MGAT4C: variants seen among roughly 807,000 people sequenced by gnomAD.
MGAT4C encodes alpha-1,3-mannosyl-glycoprotein 4-beta-N-acetylglucosaminyltransferase C.
A neutral mutation model predicts 40.1 loss-of-function variants in MGAT4C; 19 were observed. The ratio of observed to expected loss-of-function variants is 0.47; its 90% CI spans 0.33 to 0.70. The LOEUF is 0.70. Ranked by LOEUF, MGAT4C falls within the 30% of genes least tolerant of loss-of-function variation. The probability of loss-of-function intolerance (pLI) is 0.02; values close to 1 mark genes in which losing one functional copy is unlikely to be tolerated. For missense variants in MGAT4C, 491 were observed against 563.2 expected, an observed-to-expected ratio of 0.87 and a Z score of 1.30; for synonymous variants, 181 against 187.1, an observed-to-expected ratio of 0.97 and a Z score of 0.27.
intron 2 of MGAT4C, among the ~76,000 whole-genome samples, chr12:86,015,447 A>G (rs559195582): frequency 4.6e-5 from 7 of 152,256 alleles, no homozygotes; most frequent in African/African-American, 1.7e-4. Flanking sequence ...AGCATCTCCC[A>G]TCTTGACTGT....
intron 4 of MGAT4C, among the ~76,000 whole-genome samples, chr12:86,306,422 G>A (rs12315617): frequency 0.096 from 14,406 of 150,468 alleles, 1,094 homozygotes; most frequent in Middle Eastern, 0.24. Flanking sequence ...TATAAACCAT[G>A]CTAAATGAAG....
At chr12:86,606,588 A>T (rs978244346) in intron 2 of MGAT4C, among the ~76,000 whole-genome samples, 1 of 152,102 alleles carries the variant, frequency 6.6e-6, no homozygotes, top group Non-Finnish European at 1.5e-5. Flanking sequence ...CCTGATTGGG[A>T]ATTTCATAGC....
At chr12:86,756,669 C>T (rs189612701) in intron 1 of MGAT4C, among the ~76,000 whole-genome samples, 2 of 152,188 alleles carry the variant, frequency 1.3e-5, no homozygotes, top group Admixed American at 1.3e-4. Flanking sequence ...ATAACAGATA[C>T]AAGAACTATT....
chr12:86,318,949 GT>G (rs1954309763), intron 4 of MGAT4C, among the ~76,000 whole-genome samples: 1 of 152,116 alleles, frequency 6.6e-6, no homozygotes, highest in Non-Finnish European at 1.5e-5. Flanking sequence ...ATCAAGACAT[GT>G]TTTTAAAGTC....
chr12:86,563,704 G>C (rs111491151), intron 2 of MGAT4C, among the ~76,000 whole-genome samples: 1 of 152,114 alleles, frequency 6.6e-6, no homozygotes, highest in African/African-American at 2.4e-5. Flanking sequence ...AGACCTTTTG[G>C]GAACTACTGG....
chr12:86,374,028 C>A (rs959859631), intron 3 of MGAT4C, among the ~76,000 whole-genome samples: 5 of 151,992 alleles, frequency 3.3e-5, no homozygotes, highest in Non-Finnish European at 5.9e-5. Context: ...AAGTCCTGAG[C>A]CCTACCTGCA....
intron 3 of MGAT4C, among the ~76,000 whole-genome samples, chr12:86,393,425 C>T (rs555364009): frequency 3.3e-5 from 5 of 152,092 alleles, no homozygotes; most frequent in Admixed American, 2.0e-4. Flanking sequence ...AATCCAATAT[C>T]ATTATTTTAG....
At position 86,767,770 on chromosome 12, in the gene MGAT4C, T is replaced by G. The variant is rs534157738; in HGVS notation, c.-261-40529A>C. On this transcript the variant is annotated intron_variant, in intron 1 of 7. Transcript: ENST00000548651. ...AACAGAACCAAAGACAAAAACCACA[T>G]GATTATCTCAATAGATGCAGAAAAG... 9.4e-3 allele frequency among the ~76,000 whole-genome samples: 1,438 copies of G among 152,262 alleles called. 11 individuals carry two copies. Among genetic ancestry groups the G allele is most frequent in the Middle Eastern group, 0.017 (5 of 294 alleles).
intron 1 of MGAT4C, among the ~76,000 whole-genome samples, chr12:86,151,342 G>A (rs1884246324): frequency 6.6e-6 from 1 of 152,146 alleles, no homozygotes; most frequent in Non-Finnish European, 1.5e-5. Context: ...GCCGGGCGCG[G>A]TGGCTCACAA....
rs1465713408 is a variant in MGAT4C at position 86,542,999 on chromosome 12, A to C, written c.-228-107734T>G. Among the ~76,000 whole-genome samples the C allele has an allele frequency of 2.6e-5, 4 of 152,240 alleles. No individual in the cohort carries two copies. The South Asian group carries it at 6.2e-4, about 24-fold the overall frequency. ...ATTCTAATCATTAAAGCCTCCCATT[A>C]ATATATTCCTAAGTCTAACTAGACA... On this transcript the variant is annotated intron_variant, in intron 2 of 7. Transcript: ENST00000548651.
intron 2 of MGAT4C, among the ~76,000 whole-genome samples, chr12:86,710,935 C>T (rs184387041): frequency 4.5e-4 from 68 of 152,084 alleles, no homozygotes; most frequent in African/African-American, 1.4e-3. Flanking sequence ...AACTCAGGAA[C>T]GGAAAACCAA....
chr12:86,093,680 A>G (rs1873320008), intron 1 of MGAT4C, among the ~76,000 whole-genome samples: 1 of 152,040 alleles, frequency 6.6e-6, no homozygotes, highest in Admixed American at 6.6e-5. Flanking sequence ...GTGAGCTATG[A>G]TCGCACCACT....
chr12:86,319,328 GC>G (rs1364647670), intron 4 of MGAT4C, among the ~76,000 whole-genome samples: 3 of 152,120 alleles, frequency 2.0e-5, no homozygotes, highest in African/African-American at 7.2e-5. Flanking sequence ...ATCTCAGACT[GC>G]TTCTTTAGAT....
intron 1 of MGAT4C, among the ~76,000 whole-genome samples, chr12:86,123,170 T>C (rs1425469242): frequency 2.6e-5 from 4 of 152,130 alleles, no homozygotes; most frequent in African/African-American, 9.7e-5. Context: ...GAATGGTATT[T>C]CTCCTTTAGC....
At chr12:86,293,138 T>G (rs929772355) in intron 4 of MGAT4C, among the ~76,000 whole-genome samples, 2 of 152,192 alleles carry the variant, frequency 1.3e-5, no homozygotes, top group African/African-American at 4.8e-5. Flanking sequence ...AATTTTTAAA[T>G]TTGAAGTAGA....
At chr12:86,809,061 A>G (rs925340256) in intron 1 of MGAT4C, among the ~76,000 whole-genome samples, 1 of 152,082 alleles carries the variant, frequency 6.6e-6, no homozygotes, top group African/African-American at 2.4e-5. Flanking sequence ...AATACCTAAG[A>G]ATACAGCTAA....
Position 86,250,384 on chromosome 12 carries a change from A to G in MGAT4C, c.-57+5855T>C, listed in dbSNP as rs531234318. Among the ~76,000 whole-genome samples the G allele has an allele frequency of 3.3e-5, 5 of 151,246 alleles. No homozygotes were observed. In the South Asian group the frequency reaches 1.0e-3, roughly 32 times the overall value. On this transcript the variant is annotated intron_variant, in intron 1 of 4. Coordinates refer to ENST00000611864, the MANE Select transcript of MGAT4C (RefSeq NM_001351288.2). ...GAGAGAGAGAGAGATTTTTAAAATA[A>G]AAACATACTTTGCCTCTAATGACTA...
At chr12:86,831,172 C>A (rs1952920280) in intron 1 of MGAT4C, among the ~76,000 whole-genome samples, 1 of 151,690 alleles carries the variant, frequency 6.6e-6, no homozygotes, top group Admixed American at 6.6e-5. Flanking sequence ...TAAATTCTAC[C>A]TATTCTCATA....
At chr12:86,567,390 A>C (rs1287526466) in intron 2 of MGAT4C, among the ~76,000 whole-genome samples, 2 of 152,070 alleles carry the variant, frequency 1.3e-5, no homozygotes, top group African/African-American at 2.4e-5. Context: ...GGCTCCTCTC[A>C]CCTCTAAGTC....
Sources: gnomAD v4.1 joint callset for allele counts (sites outside exome capture counted in the v4.1 genomes callset) on GRCh38, gnomAD v4.1.1 for gene constraint, MANE v1.5 for transcripts, NCBI Gene and HGNC (gene_info 2026-07-23, HGNC 2026-07-21) for gene names.